The following RTL4 variants were observed in gnomAD, a reference collection of about 807,000 sequenced individuals.
The protein encoded by RTL4 is retrotransposon Gag-like protein 4.
A neutral mutation model predicts 5.3 loss-of-function variants in RTL4; 4 were observed. The ratio of observed to expected loss-of-function variants is 0.75; its 90% confidence interval spans 0.37 to 1.72. RTL4 has a LOEUF of 1.72. Among genes scored for constraint, RTL4 ranks in the 40% most tolerant of loss-of-function variants. The probability of loss-of-function intolerance (pLI) is 0.04; values close to 1 mark genes in which losing one functional copy is unlikely to be tolerated. For synonymous variants in RTL4, 98 were observed against 87.3 expected (o/e 1.12, Z -0.68); for missense variants, 260 against 227.1 (o/e 1.14, Z -0.93).
At chrX:112,324,780 T>C in the RTL4 span, among the ~76,000 whole-genome samples, 4 of 111,769 alleles carry the variant, frequency 3.6e-5, no homozygotes, top group Non-Finnish European at 7.5e-5. Flanking sequence ...ATTTGGTCTA[T>C]CTTATAGAAT....
At chrX:112,169,003 C>CCTTTCTTT in the RTL4 span, among the ~76,000 whole-genome samples, 104 of 70,668 alleles carry the variant, frequency 1.5e-3, 1 homozygote, top group Non-Finnish European at 2.4e-3. Context: ...TCCTTTCTTT[C>CCTTTCTTT]CTTTCTTTCT....
At chrX:112,291,367 T>TACACACACACAC in the RTL4 span, among the ~76,000 whole-genome samples, 1 of 95,387 alleles carries the variant, frequency 1.0e-5, no homozygotes, top group Non-Finnish European at 2.1e-5. Flanking sequence ...TGTATGTTTG[T>TACACACACACAC]ACACACACAC....
upstream of RTL4, among the ~76,000 whole-genome samples, chrX:112,452,639 T>C (rs1926760569): frequency 9.0e-6 from 1 of 111,723 alleles, no homozygotes; most frequent in South Asian, 3.7e-4. Context: ...GCATTTTTCA[T>C]CTACATTGGA....
the RTL4 span, among the ~76,000 whole-genome samples, chrX:112,402,042 G>C: frequency 8.9e-6 from 1 of 111,789 alleles, no homozygotes; most frequent in Non-Finnish European, 1.9e-5. Flanking sequence ...TTCTAGCTTA[G>C]TGTACCTTCT....
chrX:112,248,178 A>T, the RTL4 span, among the ~76,000 whole-genome samples: 1 of 112,265 alleles, frequency 8.9e-6, no homozygotes, highest in Non-Finnish European at 1.9e-5. Flanking sequence ...TCCAAGAAAA[A>T]CTTGAAATTT....
the RTL4 span, among the ~76,000 whole-genome samples, chrX:112,272,879 C>A: frequency 9.0e-6 from 1 of 110,885 alleles, no homozygotes; most frequent in Non-Finnish European, 1.9e-5. Flanking sequence ...TTTATTAAAT[C>A]ATTTAGTCCC....
the RTL4 span, among the ~76,000 whole-genome samples, chrX:112,444,616 G>A: frequency 9.0e-6 from 1 of 111,540 alleles, no homozygotes; most frequent in Non-Finnish European, 1.9e-5. Flanking sequence ...TTCTTTAAAT[G>A]TTTGGTTTAA....
the RTL4 span, among the ~76,000 whole-genome samples, chrX:112,145,693 G>A: frequency 1.8e-5 from 2 of 111,579 alleles, no homozygotes; most frequent in African/African-American, 6.5e-5. Flanking sequence ...GTGCTATGAC[G>A]AAAAGAAGTG....
At chrX:112,176,039 T>C in the RTL4 span, among the ~76,000 whole-genome samples, 2 of 110,715 alleles carry the variant, frequency 1.8e-5, no homozygotes, top group South Asian at 7.6e-4. Flanking sequence ...AGTCTCAGGA[T>C]ACAAAATCAA....
At chrX:112,390,531 T>A in the RTL4 span, among the ~76,000 whole-genome samples, 1 of 110,380 alleles carries the variant, frequency 9.1e-6, no homozygotes, top group Non-Finnish European at 1.9e-5. Flanking sequence ...CTGAAAGGAA[T>A]CTTATTTCTC....
the RTL4 span, chrX:112,382,289 G>C: frequency 2.7e-6 from 2 of 737,036 alleles, no homozygotes; most frequent in Admixed American, 3.2e-5. Context: ...CATTAACCTG[G>C]TTAGAAAGGC....
At chrX:112,438,435 C>G in the RTL4 span, among the ~76,000 whole-genome samples, 4 of 112,501 alleles carry the variant, frequency 3.6e-5, no homozygotes, top group Non-Finnish European at 7.5e-5. Flanking sequence ...CCTCTGCCCC[C>G]ACTTCTAGAC....
At chrX:112,246,523 G>T in the RTL4 span, among the ~76,000 whole-genome samples, 1 of 112,323 alleles carries the variant, frequency 8.9e-6, no homozygotes, top group Non-Finnish European at 1.9e-5. Flanking sequence ...CACCCGCTGA[G>T]CCAGGCATGG....
chrX:112,448,213 A>G, the RTL4 span, among the ~76,000 whole-genome samples: 1 of 112,263 alleles, frequency 8.9e-6, no homozygotes, highest in Non-Finnish European at 1.9e-5. Context: ...TTATATGACA[A>G]TTTGGAATCT....
At chrX:112,282,746 A>G in the RTL4 span, among the ~76,000 whole-genome samples, 1 of 111,320 alleles carries the variant, frequency 9.0e-6, no homozygotes, top group African/African-American at 3.3e-5. Context: ...TTTCATAGCT[A>G]TGGTAAATCA....
At chrX:112,381,886 G>A in the RTL4 span, 1 of 1,209,821 alleles carries the variant, frequency 8.3e-7, no homozygotes, top group Non-Finnish European at 1.1e-6. Flanking sequence ...AGAGGCTATT[G>A]GGAAAGAGAA....
the RTL4 span, among the ~76,000 whole-genome samples, chrX:112,376,871 A>T: frequency 8.9e-6 from 1 of 112,367 alleles, no homozygotes; most frequent in African/African-American, 3.2e-5. Context: ...ATTGTTAGGT[A>T]ATCTATTCTG....
chrX:112,419,593 ATTTTTACATATGTATATG>A, the RTL4 span, among the ~76,000 whole-genome samples: 12 of 49,579 alleles, frequency 2.4e-4, no homozygotes, highest in Non-Finnish European at 2.3e-4. Context: ...ATATATATAT[ATTTTTACATATGTATATG>A]TATATATATA....
chrX:112,441,254 T>C, the RTL4 span, among the ~76,000 whole-genome samples: 1 of 111,020 alleles, frequency 9.0e-6, no homozygotes, highest in Non-Finnish European at 1.9e-5. Flanking sequence ...TATTGTAGGA[T>C]TCCCAAATAT....
Sources: gnomAD v4.1 joint callset for allele counts (sites outside exome capture counted in the v4.1 genomes callset) on GRCh38, gnomAD v4.1.1 for gene constraint, MANE v1.5 for transcripts, NCBI Gene and HGNC (gene_info 2026-07-23, HGNC 2026-07-21) for gene names.